LYPD1: variants seen among roughly 807,000 people sequenced by gnomAD.
LYPD1 encodes the protein LY6/PLAUR domain containing 1, also known as ly6/PLAUR domain-containing protein 1.
Under a neutral mutation model 14.2 loss-of-function variants are expected in LYPD1, and 14 were observed. The ratio of observed to expected loss-of-function variants is 0.99; its 90% CI spans 0.65 to 1.54. The LOEUF is 1.54. LYPD1 is among the 40% of genes most tolerant of loss of function. The pLI, the probability that LYPD1 is intolerant of heterozygous loss-of-function variation, is 0.00. For missense variants in LYPD1, 165 were observed against 175.7 expected (o/e 0.94, Z 0.34); for synonymous variants, 85 against 70.6 (o/e 1.20, Z -1.02).
chr2:132,667,169 G>A (rs1487107137), intron 2 of LYPD1, among the ~76,000 whole-genome samples: 3 of 152,066 alleles, frequency 2.0e-5, no homozygotes, highest in Admixed American at 6.5e-5. Context: ...CAAATCCCAC[G>A]TGCCAAAATA....
rs750296688 is a variant in LYPD1, at chr2:132,646,170, A to G, written c.301T>C (p.Cys101Arg). Residue 101 changes from cysteine (C) to arginine (R), a missense_variant, in exon 3 of 3, where the codon TGC (cysteine) becomes CGC (arginine). Coordinates refer to ENST00000397463, the MANE Select transcript of LYPD1 (RefSeq NM_144586.7). ...GGCCCGTTACAAAGAGGGGTGTTGC[A>G]GCAGCTGATGCAAACTGAGTTCAGT... ...GKLNSVCISC[C>R]NTPLCNGPRP... is the part of the protein sequence containing the mutation. The G allele has an allele frequency of 1.9e-6, 3 of 1,611,648 alleles. No individual in the cohort carries two copies. The highest frequency in any genetic ancestry group is 2.2e-5 in the East Asian group (1 of 44,788).
At chr2:132,651,927 A>G (rs1682376349) in intron 2 of LYPD1, among the ~76,000 whole-genome samples, 1 of 152,198 alleles carries the variant, frequency 6.6e-6, no homozygotes, top group Non-Finnish European at 1.5e-5. Context: ...TCTCTGAAAC[A>G]TGAGACAGGT....
chr2:132,668,345 C>A (rs188503513), intron 2 of LYPD1, 55 bp downstream of exon 2: 3 of 1,538,056 alleles, frequency 2.0e-6, no homozygotes, highest in Admixed American at 2.1e-5. Flanking sequence ...GGCCCCCTCA[C>A]TCCCACCCCA....
intron 2 of LYPD1, among the ~76,000 whole-genome samples, chr2:132,649,664 C>G (rs576119821): frequency 1.3e-5 from 2 of 152,096 alleles, no homozygotes; most frequent in East Asian, 3.9e-4. Context: ...AGGAGAGAGT[C>G]GAAGGCACCA....
Position 132,643,853 on chromosome 2 carries a change from T to C in LYPD1, c.*2192A>G, listed in dbSNP as rs1292876195. The stretch of plus-strand genomic sequence containing the variant: ...TTAATAGAATATTTACCATGGGTCA[T>C]AGGCAGGAAGCATTCATTGCCAACT... On this transcript the variant is annotated 3_prime_UTR_variant, in exon 3 of 3. Transcript: ENST00000397463. Among the ~76,000 whole-genome samples the C allele has an allele frequency of 6.6e-6, 1 of 152,204 alleles. No individual in the cohort carries two copies. Among genetic ancestry groups the C allele is most frequent in the African/African-American group, 2.4e-5 (1 of 41,444 alleles).
At chr2:132,663,235 A>G (rs980549926) in intron 2 of LYPD1, 1 of 152,160 alleles carries the variant, frequency 6.6e-6, no homozygotes, top group African/African-American at 2.4e-5. Flanking sequence ...ATATATGAAG[A>G]TATATTTTTT....
At chr2:132,651,750 G>A (rs1042087127) in intron 2 of LYPD1, among the ~76,000 whole-genome samples, 1 of 152,178 alleles carries the variant, frequency 6.6e-6, no homozygotes, top group African/African-American at 2.4e-5. Context: ...AAACCACAAA[G>A]CAATATAATA....
At chr2:132,663,676 G>A (rs1423936977) in intron 2 of LYPD1, among the ~76,000 whole-genome samples, 1 of 152,126 alleles carries the variant, frequency 6.6e-6, no homozygotes, top group Non-Finnish European at 1.5e-5. Context: ...ATATTCCATA[G>A]CCCATCTGAT....
chr2:132,645,654 G>GA lies in LYPD1; in HGVS notation c.*390dup, dbSNP rs1553462432. The GA allele has an allele frequency of 6.4e-6, 10 of 1,567,882 alleles. No individual in the cohort carries two copies. Among genetic ancestry groups the GA allele is most frequent in the Non-Finnish European group, 8.6e-6 (10 of 1,159,074 alleles). Reference sequence around the variant, plus strand: ...GTGGGAACTGGCCCTCCAGCCCTAAGAAAACGTCACTCTCACTCTGCAGTC... The same window carrying GA: ...GTGGGAACTGGCCCTCCAGCCCTAAGAAAAACGTCACTCTCACTCTGCAGTC... On this transcript the variant is annotated 3_prime_UTR_variant, in exon 3 of 3. Transcript: ENST00000397463.
intron 2 of LYPD1, among the ~76,000 whole-genome samples, chr2:132,648,514 T>C (rs1275316658): frequency 6.6e-6 from 1 of 152,234 alleles, no homozygotes; most frequent in Non-Finnish European, 1.5e-5. Flanking sequence ...TTCTGCAATT[T>C]GCATTTTTAT....
chr2:132,659,346 TAGAGAGAGAA>T (rs1366953650), intron 2 of LYPD1, among the ~76,000 whole-genome samples: 1 of 151,784 alleles, frequency 6.6e-6, no homozygotes, highest in African/African-American at 2.4e-5. Flanking sequence ...GAAGGTGAGG[TAGAGAGAGAA>T]AGAGAGAGAG....
At chr2:132,659,282 T>C (rs1329123077) in intron 2 of LYPD1, among the ~76,000 whole-genome samples, 1 of 151,374 alleles carries the variant, frequency 6.6e-6, no homozygotes, top group Admixed American at 6.7e-5. Context: ...AGTCAGCAAA[T>C]AGTTATTGCG....
intron 2 of LYPD1, among the ~76,000 whole-genome samples, chr2:132,667,714 G>T (rs1011338121): frequency 6.6e-6 from 1 of 152,136 alleles, no homozygotes; most frequent in Non-Finnish European, 1.5e-5. Context: ...GCTGGGGTAG[G>T]GGGTGAGGAG....
At chr2:132,665,135 T>C (rs1484530853) in intron 2 of LYPD1, among the ~76,000 whole-genome samples, 1 of 152,238 alleles carries the variant, frequency 6.6e-6, no homozygotes, top group Non-Finnish European at 1.5e-5. Context: ...AATGTCACTC[T>C]GGGGAATAGG....
intron 2 of LYPD1, among the ~76,000 whole-genome samples, chr2:132,655,512 G>A (rs1573735100): frequency 2.9e-5 from 2 of 68,352 alleles, no homozygotes; most frequent in East Asian, 4.5e-4. Context: ...GGGTTGAGAA[G>A]CATTTTTTTT....
rs951535445 is a variant in LYPD1, at chr2:132,645,316, G to A, written c.*729C>T. On this transcript the variant is annotated 3_prime_UTR_variant, in exon 3 of 3. Coordinates refer to ENST00000397463, the MANE Select transcript of LYPD1 (RefSeq NM_144586.7). ...GCAGTTTCGGCGGGTGTTCGTGCAG[G>A]TGCTGTGCTGCCGCCTGTCGCTGCA... 6.2e-7 allele frequency: 1 copy of A among 1,614,090 alleles called. No homozygotes were observed. Among genetic ancestry groups the A allele is most frequent in the African/African-American group, 1.3e-5 (1 of 74,944 alleles).
chr2:132,659,237 G>A (rs1016076340), intron 2 of LYPD1, among the ~76,000 whole-genome samples: 2 of 152,122 alleles, frequency 1.3e-5, no homozygotes, highest in African/African-American at 4.8e-5. Context: ...TGATAAATCT[G>A]TTTTAGCTTG....
chr2:132,670,549 C>G (rs553657705), upstream of LYPD1, among the ~76,000 whole-genome samples: 1 of 152,268 alleles, frequency 6.6e-6, no homozygotes, highest in African/African-American at 2.4e-5. The surrounding 1 kb of genome is among the most constrained non-coding windows in gnomAD (Gnocchi z 4.5). Flanking sequence ...GGAAGGCAGC[C>G]TCCCCACTCC....
intron 2 of LYPD1, among the ~76,000 whole-genome samples, chr2:132,654,190 T>C (rs1008795264): frequency 1.3e-5 from 2 of 152,206 alleles, no homozygotes; most frequent in African/African-American, 4.8e-5. Flanking sequence ...GCACTATTTT[T>C]GCAGCTTTTC....
Sources: gnomAD v4.1 joint callset for allele counts (sites outside exome capture counted in the v4.1 genomes callset) on GRCh38, gnomAD v4.1.1 for gene constraint, Gnocchi (gnomAD v3.1) non-coding constraint, MANE v1.5 for transcripts, NCBI Gene and HGNC (gene_info 2026-07-23, HGNC 2026-07-21) for gene names.